The following FRS2 variants were observed in gnomAD, a reference collection of about 807,000 sequenced individuals.
FRS2 encodes the protein fibroblast growth factor receptor substrate 2, also known as FGFR signalling adaptor.
A neutral mutation model predicts 43.9 loss-of-function variants in FRS2; 8 were observed. That is an observed-to-expected ratio of 0.18 (90% CI 0.11 to 0.33). The LOEUF (loss-of-function observed/expected upper bound fraction) is 0.33. Ranked by LOEUF, FRS2 falls within the 10% of genes least tolerant of loss-of-function variation. FRS2 has a pLI of 1.00. For missense variants in FRS2, 534 were observed against 627.6 expected, an observed-to-expected ratio of 0.85 and a Z score of 1.59; for synonymous variants, 219 against 220.3, an observed-to-expected ratio of 0.99 and a Z score of 0.05.
chr12:69,478,773 T>C (rs948068299), intron 1 of FRS2, among the ~76,000 whole-genome samples: 3 of 151,182 alleles, frequency 2.0e-5, no homozygotes, highest in African/African-American at 7.3e-5. Context: ...TAAAGAATTA[T>C]ATAATGAACT....
intron 1 of FRS2, among the ~76,000 whole-genome samples, chr12:69,513,068 T>C (rs146212062): frequency 1.3e-5 from 2 of 152,040 alleles, no homozygotes; most frequent in African/African-American, 4.8e-5. Flanking sequence ...TAAGGTGTAA[T>C]GTAGCTCTAA....
intron 1 of FRS2, 65 bp downstream of exon 1, chr12:69,470,595 C>T (rs1422827204): frequency 5.0e-6 from 2 of 396,976 alleles, no homozygotes; most frequent in Admixed American, 4.4e-5. Context: ...GTTCTCGTGC[C>T]CCCGCTGCCC....
intron 1 of FRS2, among the ~76,000 whole-genome samples, chr12:69,520,370 T>C (rs1452386440): frequency 7.2e-6 from 1 of 138,384 alleles, no homozygotes; most frequent in Non-Finnish European, 1.5e-5. Context: ...TTTTCCTCTA[T>C]TATTAGTTTT....
intron 1 of FRS2, among the ~76,000 whole-genome samples, chr12:69,503,620 T>C (rs1044777683): frequency 6.6e-6 from 1 of 152,156 alleles, no homozygotes; most frequent in Non-Finnish European, 1.5e-5. Context: ...GACCATGAGC[T>C]TCTACGTGGT....
chr12:69,557,427 A>T (rs545476626), intron 3 of FRS2, among the ~76,000 whole-genome samples: 1 of 152,274 alleles, frequency 6.6e-6, no homozygotes, highest in Admixed American at 6.5e-5. Context: ...TTAAAAGCAC[A>T]CACCTTTGCT....
intron 1 of FRS2, among the ~76,000 whole-genome samples, chr12:69,515,823 TC>T (rs898040133): frequency 2.0e-5 from 3 of 151,424 alleles, no homozygotes; most frequent in Admixed American, 2.0e-4. Flanking sequence ...AAACAGTAGA[TC>T]TTAAGCCTCT....
intron 3 of FRS2, among the ~76,000 whole-genome samples, chr12:69,534,339 T>A (rs146343834): frequency 6.6e-6 from 1 of 152,300 alleles, no homozygotes. Context: ...TGATTTTATT[T>A]TTTCAGCTAC....
chr12:69,540,560 G>T (rs925070891), intron 3 of FRS2, among the ~76,000 whole-genome samples: 1 of 152,192 alleles, frequency 6.6e-6, no homozygotes, highest in East Asian at 1.9e-4. Context: ...ATGAATAAAT[G>T]ATTGAATAAA....
intron 8 of FRS2, 22 bp downstream of exon 8, chr12:69,572,303 A>G: frequency 1.9e-6 from 3 of 1,586,542 alleles, no homozygotes; most frequent in Non-Finnish European, 2.6e-6. Context: ...CTACTGTGTA[A>G]CAGCAATAAT....
chr12:69,494,429 ACT>A (rs1198127505), intron 1 of FRS2, among the ~76,000 whole-genome samples: 4 of 151,558 alleles, frequency 2.6e-5, no homozygotes, highest in African/African-American at 7.3e-5. Flanking sequence ...ACATGAGGAA[ACT>A]CTCTCAGAGA....
intron 1 of FRS2, among the ~76,000 whole-genome samples, chr12:69,475,034 A>G (rs1020943288): frequency 1.2e-4 from 16 of 128,778 alleles, no homozygotes; most frequent in African/African-American, 5.0e-4. Context: ...CCATTATATG[A>G]TAACACATAT....
At chr12:69,504,994 G>C (rs1279097484) in intron 1 of FRS2, among the ~76,000 whole-genome samples, 1 of 152,218 alleles carries the variant, frequency 6.6e-6, no homozygotes, top group East Asian at 1.9e-4. Context: ...CCACCATGCT[G>C]GGCTAATTTG....
intron 1 of FRS2, among the ~76,000 whole-genome samples, chr12:69,479,688 G>T (rs1294476496): frequency 6.6e-6 from 1 of 152,088 alleles, no homozygotes; most frequent in Non-Finnish European, 1.5e-5. Context: ...AAGCCACTGT[G>T]CCTGGACTAA....
chr12:69,527,338 T>A (rs112626454), intron 1 of FRS2, among the ~76,000 whole-genome samples: 1,357 of 109,918 alleles, frequency 0.012, 21 homozygotes, highest in African/African-American at 0.049. Flanking sequence ...TTTTTTTTTT[T>A]AATGATTTTT....
chr12:69,571,239 A>T (rs754466770), intron 6 of FRS2, 37 bp from the exon 7 acceptor site: 2 of 1,435,232 alleles, frequency 1.4e-6, no homozygotes, highest in Admixed American at 4.4e-5. Flanking sequence ...TTTTAAAGGT[A>T]TGTTAACTAT....
chr12:69,542,120 C>G (rs12425398), intron 3 of FRS2, among the ~76,000 whole-genome samples: 1 of 151,862 alleles, frequency 6.6e-6, no homozygotes, highest in Non-Finnish European at 1.5e-5. Flanking sequence ...ATATAGGTGG[C>G]GGGGGGTTAT....
chr12:69,500,464 C>T (rs560530083), intron 1 of FRS2, among the ~76,000 whole-genome samples: 1 of 152,044 alleles, frequency 6.6e-6, no homozygotes, highest in South Asian at 2.1e-4. Context: ...GAAGTTTTAT[C>T]TAGAATATAA....
rs1881264207 is a variant in FRS2 at position 69,577,429 on chromosome 12, T to A, written c.*2474T>A. On this transcript the variant is annotated 3_prime_UTR_variant, in exon 9 of 9. Coordinates refer to ENST00000549921, the MANE Select transcript of FRS2 (RefSeq NM_001278356.2). The stretch of plus-strand genomic sequence containing the variant: ...CTGTGTCCTCGAAGGATGTACCTAT[T>A]ACTAGGTGCATTTTAGAATGAAATA... 1 of 152,194 alleles carries A rather than the reference T, an allele frequency of 6.6e-6. No homozygotes were observed. Among genetic ancestry groups the A allele is most frequent in the African/African-American group, 2.4e-5 (1 of 41,454 alleles). 9.4% of individuals were successfully genotyped at this position (152,194 alleles called of 1,614,324 possible).
chr12:69,490,511 G>T (rs1872384577), intron 1 of FRS2, among the ~76,000 whole-genome samples: 1 of 150,494 alleles, frequency 6.6e-6, no homozygotes, highest in Admixed American at 6.6e-5. Flanking sequence ...CTGCCTTTTG[G>T]ATTCAAATGA....
Sources: allele counts gnomAD v4.1 joint callset (sites outside exome capture counted in the v4.1 genomes callset), GRCh38; gene constraint gnomAD v4.1.1; transcripts MANE v1.5; gene names NCBI Gene and HGNC (gene_info 2026-07-23, HGNC 2026-07-21).